The following ABCA9 variants were observed in gnomAD, a reference collection of about 807,000 sequenced individuals.
The protein encoded by ABCA9 is ATP-binding cassette sub-family A member 9.
Under a neutral mutation model 205.3 loss-of-function variants are expected in ABCA9, and 183 were observed. That is an observed-to-expected ratio of 0.89 (90% CI 0.79 to 1.01). The LOEUF is 1.01. Among genes scored for constraint, ABCA9 ranks in the 50% least tolerant of loss-of-function variants. The pLI, the probability that ABCA9 is intolerant of heterozygous loss-of-function variation, is 0.00. For missense variants in ABCA9, 1,805 were observed against 1,912.4 expected (o/e 0.94, Z 1.05); for synonymous variants, 651 against 683.3 (o/e 0.95, Z 0.74).
chr17:68,983,888 G>T, intron 35 of ABCA9, 39 bp from the exon 36 acceptor site: 1 of 1,613,398 alleles, frequency 6.2e-7, no homozygotes, highest in Non-Finnish European at 8.5e-7. Flanking sequence ...CAAGAAAAGA[G>T]AAAAATGTAT....
intron 32 of ABCA9, 39 bp downstream of exon 32, chr17:68,986,125 C>A: frequency 6.4e-7 from 1 of 1,560,778 alleles, no homozygotes; most frequent in Non-Finnish European, 8.7e-7. Flanking sequence ...AATACAACAT[C>A]CCCTCCAGCA....
chr17:68,984,231 AT>A (rs777555612), intron 34 of ABCA9, 56 bp from the exon 35 acceptor site: 379 of 1,584,184 alleles, frequency 2.4e-4, no homozygotes, highest in Non-Finnish European at 2.8e-4. Context: ...GGTATTTGGA[AT>A]TTTAAAAAGA....
intron 25 of ABCA9, among the ~76,000 whole-genome samples, chr17:69,007,325 T>C (rs2070181594): frequency 6.6e-6 from 1 of 151,942 alleles, no homozygotes; most frequent in Non-Finnish European, 1.5e-5. Flanking sequence ...TGCTTGAACA[T>C]GGGAGGCGGA....
At chr17:68,994,628 C>T (rs1436768218) in intron 26 of ABCA9, among the ~76,000 whole-genome samples, 1 of 152,132 alleles carries the variant, frequency 6.6e-6, no homozygotes, top group Non-Finnish European at 1.5e-5. Context: ...TCTTACTTTC[C>T]TAAAAAAGGT....
At chr17:69,057,047 G>A (rs373077295) in intron 1 of ABCA9, among the ~76,000 whole-genome samples, 3 of 152,158 alleles carry the variant, frequency 2.0e-5, no homozygotes, top group Admixed American at 6.5e-5. Context: ...AATAGGTTTG[G>A]TGTATTATAG....
Position 69,033,965 on chromosome 17 carries a change from G to A in ABCA9, c.1129-92C>T. 5.9e-6 allele frequency: 6 copies of A among 1,009,368 alleles called. No individual in the cohort carries two copies. The South Asian group carries it at 9.6e-5, about 16-fold the overall frequency. The allele number at this position is 1,009,368 out of a possible 1,614,324, so 62.5% of individuals were successfully genotyped here. On this transcript the variant is annotated intron_variant, in intron 8 of 38. Coordinates refer to ENST00000340001, the MANE Select transcript of ABCA9 (RefSeq NM_080283.4). Reference sequence around the variant, plus strand: ...TTTCTGCTACAACTGGGTTTGCAAAGATAAATAAGATATAATCTTGTCTCT... The same window carrying A: ...TTTCTGCTACAACTGGGTTTGCAAAAATAAATAAGATATAATCTTGTCTCT...
chr17:69,067,516 A>G, the ABCA9 span, among the ~76,000 whole-genome samples: 1 of 151,552 alleles, frequency 6.6e-6, no homozygotes, highest in African/African-American at 2.4e-5. Flanking sequence ...AGATGGCGCC[A>G]CAGCCTTCCA....
In ABCA9 at chr17:69,012,101, A is replaced by G; in HGVS notation, c.3040-18T>C. ...ATATGCTCCTGAAATCATGTGGAAC[A>G]TGGTGAGCTGATGGCGATTGGGCAT... On this transcript the variant is annotated intron_variant, in intron 22 of 38. Coordinates refer to ENST00000340001, the MANE Select transcript of ABCA9 (RefSeq NM_080283.4). The G allele has an allele frequency of 6.4e-7, 1 of 1,561,242 alleles. No individual in the cohort carries two copies. Among genetic ancestry groups the G allele is most frequent in the Non-Finnish European group, 8.8e-7 (1 of 1,139,228 alleles).
chr17:69,026,490 T>C lies in ABCA9; in HGVS notation c.2051-23A>G, dbSNP rs765981857. On this transcript the variant is annotated intron_variant, in intron 15 of 38. Transcript: ENST00000340001. ...TGTCTAGTTAGAAATAATCAAAAGA[T>C]AAGTTACATGAAGGACTTATTTCTT... 1.9e-6 allele frequency: 3 copies of C among 1,582,768 alleles called. No homozygotes were observed. The South Asian group carries it at 3.3e-5, about 18-fold the overall frequency.
At chr17:68,991,853 C>T (rs142337029) in intron 28 of ABCA9, among the ~76,000 whole-genome samples, 3 of 152,208 alleles carry the variant, frequency 2.0e-5, no homozygotes, top group Admixed American at 6.5e-5. Context: ...TTCTTCCTTC[C>T]CGGATTGGAT....
At chr17:68,982,484 A>G (rs2069089434) in intron 37 of ABCA9, 78 bp downstream of exon 37, 3 of 1,094,238 alleles carry the variant, frequency 2.7e-6, no homozygotes, top group Non-Finnish European at 4.2e-6. Context: ...ATGTTTATGT[A>G]TTTTTAAAAT....
the ABCA9 span, among the ~76,000 whole-genome samples, chr17:69,078,236 A>T: frequency 7.3e-6 from 1 of 137,680 alleles, no homozygotes; most frequent in African/African-American, 2.6e-5. Context: ...ACAGAGTCTC[A>T]CTCTGTCACC....
At chr17:69,070,921 T>C in the ABCA9 span, among the ~76,000 whole-genome samples, 4 of 152,268 alleles carry the variant, frequency 2.6e-5, no homozygotes, top group African/African-American at 9.6e-5. Flanking sequence ...GTGTCTGCCA[T>C]TACTGAGGCT....
chr17:69,029,047 A>G (rs569380822), intron 11 of ABCA9, 122 bp downstream of exon 11: 2 of 507,704 alleles, frequency 3.9e-6, no homozygotes, highest in South Asian at 8.6e-5. Flanking sequence ...AGGAAACATA[A>G]TGTGTTCAAA....
intron 6 of ABCA9, among the ~76,000 whole-genome samples, chr17:69,041,794 A>G (rs1035760107): frequency 5.3e-5 from 8 of 151,906 alleles, no homozygotes; most frequent in South Asian, 4.1e-4. Flanking sequence ...GAGTTAACTC[A>G]ATTTTGATAC....
At chr17:68,999,877 G>C (rs1294273576) in intron 25 of ABCA9, among the ~76,000 whole-genome samples, 1 of 152,152 alleles carries the variant, frequency 6.6e-6, no homozygotes, top group Non-Finnish European at 1.5e-5. Flanking sequence ...CTGATGGCCA[G>C]TGATGATGAG....
At chr17:69,076,289 T>C in the ABCA9 span, among the ~76,000 whole-genome samples, 3 of 152,130 alleles carry the variant, frequency 2.0e-5, no homozygotes, top group Admixed American at 1.3e-4. Context: ...TATGGTTTTA[T>C]TTTTAATTCT....
chr17:68,988,660 A>G (rs2069330521), intron 31 of ABCA9, among the ~76,000 whole-genome samples: 2 of 152,198 alleles, frequency 1.3e-5, no homozygotes, highest in Admixed American at 6.5e-5. Flanking sequence ...TGGCTCTGCA[A>G]CCACATAGGC....
chr17:69,073,702 G>A, the ABCA9 span, among the ~76,000 whole-genome samples: 1 of 152,070 alleles, frequency 6.6e-6, no homozygotes, highest in African/African-American at 2.4e-5. Flanking sequence ...AGAGAAGCAA[G>A]AGCAAACAAA....
Sources: allele counts gnomAD v4.1 joint callset (sites outside exome capture counted in the v4.1 genomes callset), GRCh38; gene constraint gnomAD v4.1.1; transcripts MANE v1.5; gene names NCBI Gene and HGNC (gene_info 2026-07-23, HGNC 2026-07-21).